The following RARB variants were observed in gnomAD, a reference collection of about 807,000 sequenced individuals.
The protein encoded by RARB is HBV-activated protein.
In RARB, 17 loss-of-function variants were observed where a neutral mutation model predicts 51.9. The ratio of observed to expected loss-of-function variants is 0.33; its 90% CI spans 0.22 to 0.49. The LOEUF is 0.49. RARB is among the 20% of genes least tolerant of loss of function. The pLI, the probability that RARB is intolerant of heterozygous loss-of-function variation, is 0.99. For synonymous variants in RARB, 215 were observed against 195.4 expected (o/e 1.10, Z -0.84); for missense variants, 369 against 550.8 (o/e 0.67, Z 3.30).
chr3:25,279,920 G>T (rs1703481290), intron 5 of RARB, among the ~76,000 whole-genome samples: 1 of 152,176 alleles, frequency 6.6e-6, no homozygotes, highest in African/African-American at 2.4e-5. Flanking sequence ...GCCTCAGGAG[G>T]CAAGACAGGA....
intron 5 of RARB, among the ~76,000 whole-genome samples, chr3:25,338,096 A>ACACACACAC (rs1705118293): frequency 6.9e-6 from 1 of 143,942 alleles, no homozygotes; most frequent in African/African-American, 2.6e-5. Flanking sequence ...CCAAACCCCC[A>ACACACACAC]ACACACACAC....
At chr3:25,123,486 T>C (rs1488987167) in intron 3 of RARB, among the ~76,000 whole-genome samples, 1 of 152,218 alleles carries the variant, frequency 6.6e-6, no homozygotes, top group Non-Finnish European at 1.5e-5. Context: ...TCTACACATG[T>C]ATCTCTTTCA....
At chr3:25,528,238 G>A (rs1268969360) in intron 3 of RARB, among the ~76,000 whole-genome samples, 1 of 152,208 alleles carries the variant, frequency 6.6e-6, no homozygotes, top group African/African-American at 2.4e-5. Context: ...TTAAACCCCT[G>A]AAGGACAGTG....
intron 5 of RARB, among the ~76,000 whole-genome samples, chr3:25,338,490 C>T (rs1230998749): frequency 6.6e-6 from 1 of 152,190 alleles, no homozygotes; most frequent in Non-Finnish European, 1.5e-5. Flanking sequence ...GAATTACCCA[C>T]TGTCAATTAT....
At chr3:25,207,136 A>G (rs1012856572) in intron 5 of RARB, among the ~76,000 whole-genome samples, 8 of 152,200 alleles carry the variant, frequency 5.3e-5, no homozygotes, top group Non-Finnish European at 1.2e-4. Flanking sequence ...AAATGTATAA[A>G]TCACTACTGC....
At chr3:25,556,086 T>C (rs1312569136) in intron 3 of RARB, among the ~76,000 whole-genome samples, 2 of 152,056 alleles carry the variant, frequency 1.3e-5, no homozygotes, top group Non-Finnish European at 2.9e-5. Context: ...CATCCAAGAC[T>C]GTGGCTGTAA....
intron 5 of RARB, among the ~76,000 whole-genome samples, chr3:25,212,468 A>C (rs762370470): frequency 6.6e-6 from 1 of 152,172 alleles, no homozygotes; most frequent in Non-Finnish European, 1.5e-5. Context: ...AAATACAAAA[A>C]TTAGCCAAGC....
intron 5 of RARB, among the ~76,000 whole-genome samples, chr3:25,255,703 T>C (rs1422046034): frequency 6.6e-6 from 1 of 152,140 alleles, no homozygotes; most frequent in African/African-American, 2.4e-5. Flanking sequence ...GAGTGGTTTA[T>C]GCAGTACAGT....
intron 5 of RARB, among the ~76,000 whole-genome samples, chr3:25,340,080 G>A (rs1322950081): frequency 1.3e-5 from 2 of 152,108 alleles, no homozygotes; most frequent in Non-Finnish European, 2.9e-5. Flanking sequence ...GTAAAGCGAA[G>A]GAGAACACGT....
intron 5 of RARB, among the ~76,000 whole-genome samples, chr3:25,411,646 C>T (rs547437091): frequency 3.3e-5 from 5 of 152,312 alleles, no homozygotes; most frequent in African/African-American, 1.2e-4. Flanking sequence ...ACACTCAAAT[C>T]GCCCGAGGAA....
intron 5 of RARB, among the ~76,000 whole-genome samples, chr3:25,350,854 C>T (rs2125457098): frequency 6.6e-6 from 1 of 152,312 alleles, no homozygotes; most frequent in Non-Finnish European, 1.5e-5. Flanking sequence ...GCCTGGGCTG[C>T]ATGTCCCCTT....
intron 1 of RARB, among the ~76,000 whole-genome samples, chr3:25,447,839 A>G (rs1368422167): frequency 1.3e-5 from 2 of 152,098 alleles, no homozygotes; most frequent in Non-Finnish European, 2.9e-5. Context: ...GGTACATCAG[A>G]AGGGAAAATT....
chr3:24,987,264 TCTC>T (rs1047215269), intron 2 of RARB, among the ~76,000 whole-genome samples: 6 of 152,122 alleles, frequency 3.9e-5, no homozygotes, highest in South Asian at 2.1e-4. Context: ...TTTTATTCCT[TCTC>T]CTCCACTTTT....
At chr3:24,866,430 G>C (rs190812171) in intron 2 of RARB, among the ~76,000 whole-genome samples, 1 of 152,056 alleles carries the variant, frequency 6.6e-6, no homozygotes, top group Non-Finnish European at 1.5e-5. Flanking sequence ...CTAATGACCC[G>C]TTGTAACACA....
intron 5 of RARB, among the ~76,000 whole-genome samples, chr3:25,312,268 G>A (rs184905210): frequency 1.1e-4 from 17 of 152,212 alleles, no homozygotes; most frequent in Admixed American, 3.3e-4. Flanking sequence ...TGACTTTTCT[G>A]TAGATTTTGA....
At chr3:25,319,105 G>C (rs1220294251) in intron 5 of RARB, among the ~76,000 whole-genome samples, 1 of 152,134 alleles carries the variant, frequency 6.6e-6, no homozygotes, top group Non-Finnish European at 1.5e-5. Context: ...TCAGACCTGA[G>C]GAGATGAAAG....
chr3:25,129,175 T>A lies in RARB; in HGVS notation c.-327-2986T>A, dbSNP rs73049926. ...GTTTTATTGGTTGTAAGGAATAAAT[T>A]ATTGAAGCAGAAGACAAGTCTAGTG... is the stretch of plus-strand genomic sequence containing the variant. On this transcript the variant is annotated intron_variant, in intron 3 of 11. Coordinates refer to the RARB transcript ENST00000383772. Among the ~76,000 whole-genome samples the A allele has an allele frequency of 5.7e-3, 871 of 152,242 alleles. 4 individuals carry two copies. The highest frequency in any genetic ancestry group is 0.021 in the Middle Eastern group (6 of 292).
chr3:25,357,780 A>G (rs772313087), intron 5 of RARB, among the ~76,000 whole-genome samples: 9 of 152,074 alleles, frequency 5.9e-5, no homozygotes, highest in Admixed American at 2.0e-4. Flanking sequence ...TCCTTTCCCC[A>G]TTTCTTGTTT....
intron 5 of RARB, among the ~76,000 whole-genome samples, chr3:25,309,359 T>G (rs1704230762): frequency 6.6e-6 from 1 of 151,202 alleles, no homozygotes; most frequent in Non-Finnish European, 1.5e-5. Context: ...CAGGCTGGTC[T>G]CGATCTCCTG....
Sources: allele counts gnomAD v4.1 joint callset (sites outside exome capture counted in the v4.1 genomes callset), GRCh38; gene constraint gnomAD v4.1.1; transcripts MANE v1.5; gene names NCBI Gene and HGNC (gene_info 2026-07-23, HGNC 2026-07-21).